RUNDC3B: variants seen among roughly 807,000 people sequenced by gnomAD.
The protein encoded by RUNDC3B is RUN domain-containing protein 3B.
Under a neutral mutation model 58.4 loss-of-function variants are expected in RUNDC3B, and 33 were observed. The ratio of observed to expected loss-of-function variants is 0.56; its 90% CI spans 0.43 to 0.75. RUNDC3B has a LOEUF of 0.75. Ranked by LOEUF, RUNDC3B falls within the 30% of genes least tolerant of loss-of-function variation. The probability of loss-of-function intolerance (pLI) is 0.00; values close to 1 mark genes in which losing one functional copy is unlikely to be tolerated. For missense variants in RUNDC3B, 501 were observed against 535.7 expected (o/e 0.94, Z 0.64); for synonymous variants, 193 against 195.2 (o/e 0.99, Z 0.10).
At chr7:87,821,758 T>C (rs1466526577) in intron 10 of RUNDC3B, among the ~76,000 whole-genome samples, 1 of 152,202 alleles carries the variant, frequency 6.6e-6, no homozygotes, top group Non-Finnish European at 1.5e-5. Flanking sequence ...CCATCTGATC[T>C]TTGACAAACC....
intron 1 of RUNDC3B, among the ~76,000 whole-genome samples, chr7:87,630,668 C>T (rs1821122470): frequency 6.6e-6 from 1 of 150,626 alleles, no homozygotes; most frequent in East Asian, 1.9e-4. Context: ...GGCAGTGATT[C>T]TATCTGCTTT....
At chr7:87,631,321 T>C (rs1432102535) in intron 1 of RUNDC3B, among the ~76,000 whole-genome samples, 1 of 152,244 alleles carries the variant, frequency 6.6e-6, no homozygotes, top group Non-Finnish European at 1.5e-5. Flanking sequence ...CATTTATTGC[T>C]AGTTTACTTT....
intron 2 of RUNDC3B, among the ~76,000 whole-genome samples, chr7:87,653,221 T>A (rs531569258): frequency 7.2e-5 from 11 of 152,222 alleles, no homozygotes. Flanking sequence ...GGTCCTTCAG[T>A]AATTTTTGAA....
At chr7:87,820,786 A>T (rs1186822585) in intron 10 of RUNDC3B, among the ~76,000 whole-genome samples, 5 of 151,354 alleles carry the variant, frequency 3.3e-5, no homozygotes, top group East Asian at 1.9e-4. Context: ...AAAGACAAAA[A>T]CCACATGATT....
chr7:87,808,647 ACTT>A (rs1332062880), intron 9 of RUNDC3B, among the ~76,000 whole-genome samples: 1 of 152,074 alleles, frequency 6.6e-6, no homozygotes, highest in Admixed American at 6.6e-5. Flanking sequence ...ACTAAACCAT[ACTT>A]CTTAGTATGA....
chr7:87,654,991 AT>A (rs988619845), intron 2 of RUNDC3B, among the ~76,000 whole-genome samples: 37 of 152,096 alleles, frequency 2.4e-4, no homozygotes, highest in African/African-American at 8.4e-4. Context: ...ATAGTGAGAT[AT>A]CCCCTCGTTA....
At chr7:87,667,956 T>G in intron 2 of RUNDC3B, among the ~76,000 whole-genome samples, 1 of 152,110 alleles carries the variant, frequency 6.6e-6, no homozygotes, top group East Asian at 1.9e-4. Flanking sequence ...CTTTTTTTGT[T>G]GTGTCTCTTC....
chr7:87,751,484 T>C (rs904454346), intron 6 of RUNDC3B, among the ~76,000 whole-genome samples: 1 of 152,234 alleles, frequency 6.6e-6, no homozygotes, highest in Non-Finnish European at 1.5e-5. Flanking sequence ...ATGGCCATTT[T>C]CACGATGTTG....
In RUNDC3B at chr7:87,830,156, G is replaced by C; in HGVS notation, c.*126G>C. Reference sequence around the variant, plus strand: ...TGTCTGAAATTCTATTGCTTGGAGAGAATCCCCTCCAGATAAGAGATTTTG... The same window carrying C: ...TGTCTGAAATTCTATTGCTTGGAGACAATCCCCTCCAGATAAGAGATTTTG... On this transcript the variant is annotated 3_prime_UTR_variant, in exon 11 of 11. Coordinates refer to ENST00000394654, the MANE Select transcript of RUNDC3B (RefSeq NM_001134405.2). 1 of 446,468 alleles carries C rather than the reference G, an allele frequency of 2.2e-6. No individual in the cohort carries two copies. 27.7% of individuals were successfully genotyped at this position (446,468 alleles called of 1,614,324 possible).
At chr7:87,819,959 A>G (rs559559011) in intron 10 of RUNDC3B, among the ~76,000 whole-genome samples, 43 of 152,218 alleles carry the variant, frequency 2.8e-4, no homozygotes, top group Admixed American at 2.4e-3. Flanking sequence ...TTGACACCCT[A>G]ACATCACAAT....
chr7:87,629,228 T>A (rs181778765), intron 1 of RUNDC3B: 154 of 335,238 alleles, frequency 4.6e-4, no homozygotes, highest in African/African-American at 3.0e-3. Flanking sequence ...CAATCTAGCG[T>A]CAGAGTGAAA....
At chr7:87,781,405 A>G in intron 8 of RUNDC3B, among the ~76,000 whole-genome samples, 1 of 152,040 alleles carries the variant, frequency 6.6e-6, no homozygotes, top group East Asian at 1.9e-4. Context: ...AAGGTTTTCT[A>G]GGTATATAAT....
rs754537300 is a variant in RUNDC3B, at chr7:87,807,532, CT to C, written c.1103+21del. The C allele has an allele frequency of 2.0e-5, 32 of 1,602,482 alleles. No homozygotes were observed. Among genetic ancestry groups the C allele is most frequent in the East Asian group, 2.2e-5 (1 of 44,788 alleles). On this transcript the variant is annotated intron_variant, in intron 9 of 10. Coordinates refer to ENST00000394654, the MANE Select transcript of RUNDC3B (RefSeq NM_001134405.2). ...AACAGTGGTATGAGTAAGTGTAATA[CT>C]TTTTTTTCCAACTAATTAATAGTTA... is the stretch of plus-strand genomic sequence containing the variant.
chr7:87,687,093 A>G (rs779258160), intron 2 of RUNDC3B, among the ~76,000 whole-genome samples: 1 of 152,232 alleles, frequency 6.6e-6, no homozygotes, highest in African/African-American at 2.4e-5. Context: ...TCTGCTAATT[A>G]TACTTATTAA....
At chr7:87,726,362 T>TG (rs1201804216) in intron 4 of RUNDC3B, among the ~76,000 whole-genome samples, 1 of 152,220 alleles carries the variant, frequency 6.6e-6, no homozygotes, top group African/African-American at 2.4e-5. Flanking sequence ...CTTTCCCCAT[T>TG]GCTGGTTTTT....
intron 9 of RUNDC3B, among the ~76,000 whole-genome samples, chr7:87,812,461 T>C (rs2130943127): frequency 6.6e-6 from 1 of 152,152 alleles, no homozygotes; most frequent in Non-Finnish European, 1.5e-5. Context: ...CTACAAAAAT[T>C]AGCCAGGCAT....
At chr7:87,642,666 A>G (rs1199424940) in intron 1 of RUNDC3B, among the ~76,000 whole-genome samples, 1 of 152,020 alleles carries the variant, frequency 6.6e-6, no homozygotes, top group Non-Finnish European at 1.5e-5. Flanking sequence ...GTTCTAGGGT[A>G]CATGTGCATG....
chr7:87,702,307 C>T (rs983268647), intron 3 of RUNDC3B, among the ~76,000 whole-genome samples: 40 of 151,226 alleles, frequency 2.6e-4, no homozygotes, highest in African/African-American at 9.7e-4. Context: ...GGGACAGGGT[C>T]TTGCTCTGTT....
intron 1 of RUNDC3B, among the ~76,000 whole-genome samples, chr7:87,646,555 T>C (rs979934210): frequency 1.3e-5 from 2 of 152,126 alleles, no homozygotes; most frequent in Non-Finnish European, 2.9e-5. Flanking sequence ...GGATGCAGAG[T>C]TAGCTTTCTT....
Sources: allele counts gnomAD v4.1 joint callset (sites outside exome capture counted in the v4.1 genomes callset), GRCh38; gene constraint gnomAD v4.1.1; transcripts MANE v1.5; gene names NCBI Gene and HGNC (gene_info 2026-07-23, HGNC 2026-07-21).